The following ZKSCAN5 variants were observed in gnomAD, a reference collection of about 807,000 sequenced individuals.
The protein encoded by ZKSCAN5 is zinc finger protein with KRAB and SCAN domains 5.
Under a neutral mutation model 60.0 loss-of-function variants are expected in ZKSCAN5, and 28 were observed. The ratio of observed to expected loss-of-function variants is 0.47; its 90% CI spans 0.35 to 0.64. The LOEUF is 0.64. Among genes scored for constraint, ZKSCAN5 ranks in the 30% least tolerant of loss-of-function variants. The pLI is 0.01. For synonymous variants in ZKSCAN5, 361 were observed against 371.2 expected, an observed-to-expected ratio of 0.97 and a Z score of 0.31; for missense variants, 881 against 1,034.6, an observed-to-expected ratio of 0.85 and a Z score of 2.04.
At chr7:99,512,099 C>T (rs542861772) in intron 2 of ZKSCAN5, among the ~76,000 whole-genome samples, 1 of 152,260 alleles carries the variant, frequency 6.6e-6, no homozygotes, top group East Asian at 1.9e-4. Context: ...CCCAGCCCTT[C>T]TCAACCTTTA....
intron 3 of ZKSCAN5, chr7:99,513,735 C>CA: frequency 1.4e-5 from 5 of 354,518 alleles, no homozygotes; most frequent in South Asian, 4.1e-5. Flanking sequence ...GTTAAAAAAA[C>CA]AAAAAAACAA....
rs114266714 is a variant in ZKSCAN5 at position 99,526,045 on chromosome 7, C to T, written c.1005C>T (p.Ser335=). The T allele has an allele frequency of 5.0e-6, 8 of 1,614,044 alleles. No homozygotes were observed. Among genetic ancestry groups the T allele is most frequent in the South Asian group, 4.4e-5 (4 of 91,084 alleles). ...ATCTGGATGCAATCACAGACATCAG[C>T]CCTAAGCAAAGCACACATGGCGAGA... ...KRDLDAITDI[S]PKQSTHGERG... Residue 335 remains serine, a synonymous_variant, in exon 6 of 7, where the codon AGC becomes AGT. Coordinates refer to ENST00000326775, the MANE Select transcript of ZKSCAN5 (RefSeq NM_145102.4).
chr7:99,519,063 C>A (rs1232116386), intron 3 of ZKSCAN5, among the ~76,000 whole-genome samples: 1 of 151,254 alleles, frequency 6.6e-6, no homozygotes, highest in Non-Finnish European at 1.5e-5. Flanking sequence ...GTAACCTCCA[C>A]CTCCCAGGTT....
chr7:99,505,924 A>G, intron 1 of ZKSCAN5, 81 bp from the exon 2 acceptor site: 1 of 1,201,472 alleles, frequency 8.3e-7, no homozygotes, highest in East Asian at 2.4e-5. Context: ...GCTAATAATG[A>G]TGCCCAATAC....
In ZKSCAN5 at chr7:99,534,687, A is replaced by T. The variant is rs1046291485; in HGVS notation, c.*2438A>T. ...AGCGACAGTGTCTAAAAAAAAAAAA[A>T]AAAAAAAAAAAAACATTTTTTGGAG... On this transcript the variant is annotated 3_prime_UTR_variant, in exon 7 of 7. Transcript: ENST00000326775. 6.6e-6 allele frequency: 1 copy of T among 151,840 alleles called. No individual in the cohort carries two copies. The highest frequency in any genetic ancestry group is 1.5e-5 in the Non-Finnish European group (1 of 68,086). 9.4% of individuals were successfully genotyped at this position (151,840 alleles called of 1,614,324 possible). A position where few individuals can be genotyped will look rare whatever the true frequency, so the allele number is the denominator to read the frequency against.
intron 3 of ZKSCAN5, among the ~76,000 whole-genome samples, chr7:99,519,545 G>T (rs1006616763): frequency 1.3e-5 from 2 of 150,958 alleles, no homozygotes; most frequent in African/African-American, 4.9e-5. Flanking sequence ...CCAAAGTGCT[G>T]GTATTACAGG....
In ZKSCAN5 at chr7:99,534,156, G is replaced by A. The variant is rs1802162616; in HGVS notation, c.*1907G>A. On this transcript the variant is annotated 3_prime_UTR_variant, in exon 7 of 7. Coordinates refer to ENST00000326775, the MANE Select transcript of ZKSCAN5 (RefSeq NM_145102.4). ...ATCCTTGAAGAGAAGAAAATGACAG[G>A]GCAAATAACCACCAATTTAATGCCA... 1 of 152,256 alleles carries A rather than the reference G, an allele frequency of 6.6e-6. No individual in the cohort carries two copies. Among genetic ancestry groups the A allele is most frequent in the Non-Finnish European group, 1.5e-5 (1 of 68,116 alleles). 9.4% of individuals were successfully genotyped at this position (152,256 alleles called of 1,614,324 possible). A position where few individuals can be genotyped will look rare whatever the true frequency, so the allele number is the denominator to read the frequency against.
At chr7:99,509,904 C>A (rs1416811888) in intron 2 of ZKSCAN5, among the ~76,000 whole-genome samples, 2 of 152,002 alleles carry the variant, frequency 1.3e-5, no homozygotes, top group African/African-American at 4.8e-5. Context: ...CGTTATTTAT[C>A]CAATTTGTTG....
Position 99,532,641 on chromosome 7 carries a change from T to G in ZKSCAN5, c.*392T>G. The G allele has an allele frequency of 1.7e-5, 3 of 172,262 alleles. No homozygotes were observed. Among genetic ancestry groups the G allele is most frequent in the Non-Finnish European group, 3.7e-5 (3 of 80,886 alleles). 10.7% of individuals were successfully genotyped at this position (172,262 alleles called of 1,614,324 possible). A position where few individuals can be genotyped will look rare whatever the true frequency, so the allele number is the denominator to read the frequency against. ...AGCTTCTGCCTTGTTTGACGGCGTA[T>G]CTATTCAGGGAAGCGCACAGTAAAA... On this transcript the variant is annotated 3_prime_UTR_variant, in exon 7 of 7. Coordinates refer to ENST00000326775, the MANE Select transcript of ZKSCAN5 (RefSeq NM_145102.4).
rs1373216279 is a variant in ZKSCAN5 at position 99,510,900 on chromosome 7, G to GATGTAT, written c.415-1553_415-1552insATGTAT. ...GGGACTATATAGATGTATGCTACCA[G>GATGTAT]GCCTGGCTAATTTTTATATTTTTAG... On this transcript the variant is annotated intron_variant, in intron 2 of 6. Transcript: ENST00000326775. 2.6e-5 allele frequency among the ~76,000 whole-genome samples: 4 copies of GATGTAT among 152,098 alleles called. No homozygotes were observed. The East Asian group carries it at 7.8e-4, about 29-fold the overall frequency.
chr7:99,512,737 C>G, intron 3 of ZKSCAN5, 146 bp downstream of exon 3: 3 of 986,216 alleles, frequency 3.0e-6, no homozygotes, highest in Non-Finnish European at 2.7e-6. Context: ...AGGCCAGGGA[C>G]CTGGAGTTGA....
At chr7:99,519,804 A>G (rs372014565) in intron 3 of ZKSCAN5, 23 bp from the exon 4 acceptor site, 670 of 1,607,778 alleles carry the variant, frequency 4.2e-4, no homozygotes, top group Middle Eastern at 6.6e-4. Flanking sequence ...TTCTCACTTA[A>G]ACCTCTTTTT....
At position 99,528,776 on chromosome 7, in the gene ZKSCAN5, A is replaced by G. The variant is rs144045242; in HGVS notation, c.1379-2332A>G. On this transcript the variant is annotated intron_variant, in intron 6 of 6. Transcript: ENST00000326775. ...GGGGGAATACATGTTTTGCACATCC[A>G]GCCATATTATTGAGAGTCTGTGTTG... Among the ~76,000 whole-genome samples, 39 of 152,282 alleles carry G rather than the reference A, an allele frequency of 2.6e-4. No homozygotes were observed. The East Asian group carries it at 7.3e-3, about 29-fold the overall frequency.
At position 99,526,067 on chromosome 7, in the gene ZKSCAN5, G is replaced by A. The variant is rs1801772663; in HGVS notation, c.1027G>A (p.Glu343Lys). ...DISPKQSTHG[E>K]RGHRCSDCGK... ...CAGCCCTAAGCAAAGCACACATGGC[G>A]AGAGAGGGCACAGATGCAGCGATTG... is the stretch of plus-strand genomic sequence containing the variant. The change falls in exon 6 of 7, where the codon GAG (glutamate) becomes AAG (lysine). Residue 343 changes from glutamate to lysine, a missense_variant. By Grantham distance (56) the Glu-to-Lys change is moderately conservative (BLOSUM62 1). Transcript: ENST00000326775. 12 of 1,614,058 alleles carry A rather than the reference G, an allele frequency of 7.4e-6. No homozygotes were observed. Among genetic ancestry groups the A allele is most frequent in the Admixed American group, 3.3e-5 (2 of 59,996 alleles).
chr7:99,507,995 G>A (rs1474702586), intron 2 of ZKSCAN5, among the ~76,000 whole-genome samples: 4 of 151,874 alleles, frequency 2.6e-5, no homozygotes, highest in African/African-American at 4.8e-5. Context: ...ACTCAAAATT[G>A]TTGGCTTAGA....
intron 2 of ZKSCAN5, among the ~76,000 whole-genome samples, chr7:99,507,445 ATATATG>A (rs1562901395): frequency 6.6e-6 from 1 of 150,870 alleles, no homozygotes; most frequent in Non-Finnish European, 1.5e-5. Context: ...GTGTTTGCGT[ATATATG>A]TATATATATG....
chr7:99,510,424 T>C (rs1363012287), intron 2 of ZKSCAN5, among the ~76,000 whole-genome samples: 12 of 151,902 alleles, frequency 7.9e-5, no homozygotes, highest in Non-Finnish European at 1.6e-4. Flanking sequence ...ATTTTGTTTA[T>C]TTTTTATTTT....
chr7:99,519,736 C>G (rs775138398), intron 3 of ZKSCAN5, 91 bp from the exon 4 acceptor site: 1 of 1,276,312 alleles, frequency 7.8e-7, no homozygotes, highest in Non-Finnish European at 1.1e-6. Context: ...CAGTAGGGGC[C>G]ATTATGGATT....
intron 2 of ZKSCAN5, among the ~76,000 whole-genome samples, chr7:99,510,820 A>G (rs561385848): frequency 6.7e-6 from 1 of 149,436 alleles, no homozygotes; most frequent in African/African-American, 2.5e-5. Context: ...AGCTCACTGC[A>G]CTCTCCGCCT....
Sources: gnomAD v4.1 joint callset for allele counts (sites outside exome capture counted in the v4.1 genomes callset) on GRCh38, gnomAD v4.1.1 for gene constraint, MANE v1.5 for transcripts, NCBI Gene and HGNC (gene_info 2026-07-23, HGNC 2026-07-21) for gene names.